DROSHA: variants seen among roughly 807,000 people sequenced by gnomAD.
DROSHA encodes the protein ribonuclease 3.
Under a neutral mutation model 181.9 loss-of-function variants are expected in DROSHA, and 56 were observed. The observed-to-expected ratio is 0.31, with a 90% CI of 0.25 to 0.38. DROSHA has a LOEUF of 0.38. Among genes scored for constraint, DROSHA ranks in the 10% least tolerant of loss-of-function variants. The pLI is 1.00. For synonymous variants in DROSHA, 524 were observed against 591.2 expected (o/e 0.89, Z 1.65); for missense variants, 1,218 against 1,743.5 (o/e 0.70, Z 5.37).
At chr5:31,502,860 G>C (rs1737453700) in intron 11 of DROSHA, among the ~76,000 whole-genome samples, 1 of 152,228 alleles carries the variant, frequency 6.6e-6, no homozygotes, top group African/African-American at 2.4e-5. Flanking sequence ...TGGAGTTTCA[G>C]GCAGTGTACC....
chr5:31,406,830 T>C, intron 34 of DROSHA, 23 bp downstream of exon 34: 1 of 1,603,408 alleles, frequency 6.2e-7, no homozygotes, highest in Non-Finnish European at 8.5e-7. Flanking sequence ...TTCAAAGCAA[T>C]TCCAGGTATT....
chr5:31,432,114 G>C (rs1478050622), intron 25 of DROSHA, among the ~76,000 whole-genome samples: 1 of 151,876 alleles, frequency 6.6e-6, no homozygotes, highest in Non-Finnish European at 1.5e-5. Flanking sequence ...TACTGACAAT[G>C]TCAGCACCAT....
chr5:31,455,639 C>T (rs1160040079), intron 20 of DROSHA, among the ~76,000 whole-genome samples: 3 of 149,750 alleles, frequency 2.0e-5, no homozygotes, highest in South Asian at 4.2e-4. Context: ...ATTGTTATCA[C>T]ACTTTTTTTT....
chr5:31,469,317 A>C (rs1333565333), intron 17 of DROSHA, among the ~76,000 whole-genome samples: 28 of 152,216 alleles, frequency 1.8e-4, no homozygotes, highest in Non-Finnish European at 1.2e-4. Flanking sequence ...AGATCGCACC[A>C]CTGTGCTCCA....
At chr5:31,408,113 A>G (rs184181087) in intron 33 of DROSHA, among the ~76,000 whole-genome samples, 1 of 152,220 alleles carries the variant, frequency 6.6e-6, no homozygotes, top group East Asian at 1.9e-4. Context: ...AAGTGTTGTG[A>G]CTGTTAAATA....
chr5:31,525,724 TATG>T (rs1208106623), intron 5 of DROSHA, among the ~76,000 whole-genome samples: 1 of 152,140 alleles, frequency 6.6e-6, no homozygotes, highest in African/African-American at 2.4e-5. Flanking sequence ...TATAACCTGA[TATG>T]ATGATCACAT....
intron 27 of DROSHA, among the ~76,000 whole-genome samples, chr5:31,426,949 T>C (rs1038967629): frequency 1.3e-5 from 2 of 152,138 alleles, no homozygotes; most frequent in Admixed American, 6.5e-5. Flanking sequence ...TCAGAATTGA[T>C]AGACTCTTGC....
In DROSHA at chr5:31,435,800, T is replaced by C. The variant is rs754704305; in HGVS notation, c.3007A>G (p.Ile1003Val). 21 of 1,613,730 alleles carry C rather than the reference T, an allele frequency of 1.3e-5. No homozygotes were observed. The South Asian group carries it at 1.8e-4, about 14-fold the overall frequency. Residue 1003 changes from isoleucine to valine, a missense_variant, in exon 25 of 36, where the codon ATT becomes GTT. This residue lies in a region of DROSHA where 460 missense variants were observed against 774.2 expected (regional missense o/e 0.59). Coordinates refer to ENST00000344624, the MANE Select transcript of DROSHA (RefSeq NM_001382508.1). ...ATGGCAAGGTGCTGATTCTGAACAATGGCAGTCCGATAGGTTGCTAATCCT... is the reference window on the plus strand; with the variant it reads ...ATGGCAAGGTGCTGATTCTGAACAACGGCAGTCCGATAGGTTGCTAATCCT... Reference protein sequence around the residue: ...EGGLATYRTAIVQNQHLAMLA... With the variant: ...EGGLATYRTAVVQNQHLAMLA...
In DROSHA at chr5:31,437,235, T is replaced by C. The variant is rs1443777072; in HGVS notation, c.2942+4A>G. ...AATTGTAAAAAACAAAAAAGCCTAA[T>C]TACCTGGTCAGAAATTCAACAACAG... On this transcript the variant is annotated splice_donor_region_variant and intron_variant, in intron 24 of 35. Coordinates refer to ENST00000344624, the MANE Select transcript of DROSHA (RefSeq NM_001382508.1). 6.4e-6 allele frequency: 10 copies of C among 1,569,180 alleles called. No individual in the cohort carries two copies. In the South Asian group the frequency reaches 1.1e-4, roughly 17 times the overall value.
At chr5:31,456,011 A>C (rs1458074244) in intron 20 of DROSHA, among the ~76,000 whole-genome samples, 6 of 152,164 alleles carry the variant, frequency 3.9e-5, no homozygotes, top group Admixed American at 3.3e-4. Flanking sequence ...AATATTAAAG[A>C]AAGAAAATGG....
intron 23 of DROSHA, among the ~76,000 whole-genome samples, chr5:31,438,460 G>A (rs1299658135): frequency 6.6e-6 from 1 of 152,146 alleles, no homozygotes; most frequent in African/African-American, 2.4e-5. Flanking sequence ...GCTGGCGCTG[G>A]GATTTGGAAG....
At chr5:31,522,457 T>A (rs1317126370) in intron 5 of DROSHA, among the ~76,000 whole-genome samples, 2 of 152,160 alleles carry the variant, frequency 1.3e-5, no homozygotes, top group Non-Finnish European at 2.9e-5. Flanking sequence ...CTAATATATT[T>A]TTTTTTACCA....
intron 12 of DROSHA, 98 bp from the exon 13 acceptor site, chr5:31,493,391 G>C: frequency 9.5e-7 from 1 of 1,055,860 alleles, no homozygotes; most frequent in Middle Eastern, 2.4e-4. Context: ...TAGAACATAA[G>C]GACTTCCTTT....
chr5:31,435,333 C>T (rs1444331039), intron 25 of DROSHA, among the ~76,000 whole-genome samples: 1 of 152,088 alleles, frequency 6.6e-6, no homozygotes, highest in Non-Finnish European at 1.5e-5. Flanking sequence ...AGAAAGTACC[C>T]CTAGTGGATA....
At chr5:31,477,072 C>A (rs756244539) in intron 16 of DROSHA, among the ~76,000 whole-genome samples, 6 of 152,162 alleles carry the variant, frequency 3.9e-5, no homozygotes, top group Non-Finnish European at 8.8e-5. Context: ...AGGAATTCCG[C>A]CAACTCTGGG....
intron 16 of DROSHA, among the ~76,000 whole-genome samples, chr5:31,472,481 G>T (rs376560035): frequency 6.6e-6 from 1 of 151,996 alleles, no homozygotes; most frequent in South Asian, 2.1e-4. Flanking sequence ...ATGATAAAAG[G>T]CTCCATTTGT....
intron 23 of DROSHA, among the ~76,000 whole-genome samples, chr5:31,443,079 G>A (rs969611196): frequency 2.7e-5 from 4 of 148,024 alleles, no homozygotes; most frequent in African/African-American, 7.5e-5. Context: ...TCACTCTGTC[G>A]CATGATCTTG....
At chr5:31,448,893 G>T (rs1375082232) in intron 22 of DROSHA, among the ~76,000 whole-genome samples, 1 of 152,182 alleles carries the variant, frequency 6.6e-6, no homozygotes, top group Non-Finnish European at 1.5e-5. Context: ...AGCACTTTGG[G>T]AGGCAGAGGC....
At chr5:31,523,384 C>T (rs985419409) in intron 5 of DROSHA, among the ~76,000 whole-genome samples, 8 of 152,184 alleles carry the variant, frequency 5.3e-5, no homozygotes, top group African/African-American at 1.4e-4. Context: ...ATTCTTACGA[C>T]ACTTGATTTT....
Sources: gnomAD v4.1 joint callset for allele counts (sites outside exome capture counted in the v4.1 genomes callset) on GRCh38, gnomAD v4.1.1 for gene constraint, gnomAD v4.1.1 regional missense constraint, MANE v1.5 for transcripts, NCBI Gene and HGNC (gene_info 2026-07-23, HGNC 2026-07-21) for gene names.